Variants in CADPS observed in about 807,000 individuals in gnomAD.
CADPS encodes the protein calcium dependent secretion activator.
A neutral mutation model predicts 167.3 loss-of-function variants in CADPS; 57 were observed. The observed-to-expected ratio is 0.34, with a 90% CI of 0.28 to 0.42. The LOEUF (loss-of-function observed/expected upper bound fraction) is 0.42. Among genes scored for constraint, CADPS ranks in the 20% least tolerant of loss-of-function variants. CADPS has a pLI of 1.00. For missense variants in CADPS, 1,414 were observed against 1,738.1 expected (o/e 0.81, Z 3.32); for synonymous variants, 676 against 635.3 (o/e 1.06, Z -0.96).
intron 6 of CADPS, among the ~76,000 whole-genome samples, chr3:62,624,500 T>A (rs563477510): frequency 3.0e-4 from 45 of 151,820 alleles, no homozygotes; most frequent in African/African-American, 7.5e-4. Flanking sequence ...TATATTTTTT[T>A]TAAAAAAACC....
intron 3 of CADPS, among the ~76,000 whole-genome samples, chr3:62,737,553 C>A: frequency 6.6e-6 from 1 of 152,088 alleles, no homozygotes; most frequent in South Asian, 2.1e-4. Flanking sequence ...TTTCCTTCCA[C>A]TGGGCAAATC....
chr3:62,656,216 C>G (rs1469839913), intron 4 of CADPS, among the ~76,000 whole-genome samples: 1 of 152,146 alleles, frequency 6.6e-6, no homozygotes, highest in Non-Finnish European at 1.5e-5. Context: ...GCTCCTACCA[C>G]CACCACTACA....
chr3:62,714,816 AT>A (rs1203826645), intron 3 of CADPS, among the ~76,000 whole-genome samples: 1 of 152,164 alleles, frequency 6.6e-6, no homozygotes, highest in African/African-American at 2.4e-5. Flanking sequence ...TAAAAGTTTT[AT>A]TTAAAAAAAA....
intron 24 of CADPS, among the ~76,000 whole-genome samples, chr3:62,467,057 A>G (rs1421981283): frequency 2.0e-5 from 3 of 152,186 alleles, no homozygotes; most frequent in Admixed American, 2.0e-4. Flanking sequence ...TAAGTTTTTA[A>G]ATTTCTCTAA....
chr3:62,602,559 C>T lies in CADPS; in HGVS notation c.1326-9811G>A, dbSNP rs1036587161. The stretch of plus-strand genomic sequence containing the variant: ...GAGGTGGACTGCATGATATTCCACT[C>T]CAAGGGAATCAATTGTGCCATCGCA... On this transcript the variant is annotated intron_variant, in intron 6 of 29. Transcript: ENST00000383710. This position sits in a 1 kb window ranked among gnomAD's most constrained non-coding sequence, Gnocchi z 4.4. 3.3e-5 allele frequency among the ~76,000 whole-genome samples: 5 copies of T among 152,122 alleles called. No individual in the cohort carries two copies. Among genetic ancestry groups the T allele is most frequent in the Non-Finnish European group, 7.3e-5 (5 of 68,030 alleles).
intron 1 of CADPS, among the ~76,000 whole-genome samples, chr3:62,824,271 G>T (rs944265602): frequency 6.6e-6 from 1 of 152,082 alleles, no homozygotes; most frequent in African/African-American, 2.4e-5. Context: ...TAGAGTTAGT[G>T]ATGTTTGTTT....
In CADPS at chr3:62,753,357, TA is replaced by T. The variant is rs1299292121; in HGVS notation, c.888+83del. On this transcript the variant is annotated intron_variant, in intron 3 of 29. Coordinates refer to ENST00000383710, the MANE Select transcript of CADPS (RefSeq NM_003716.4). This position sits in a 1 kb window ranked among gnomAD's most constrained non-coding sequence, Gnocchi z 4.6. ...AAAATATAAGTTTTAATCCTTTTTT[TA>T]AAAAAATCAAGAAGTATCTCATAGA... The T allele has an allele frequency of 4.8e-6, 5 of 1,041,536 alleles. No homozygotes were observed. In the African/African-American group the frequency reaches 6.4e-5, roughly 13 times the overall value. 64.5% of individuals were successfully genotyped at this position (1,041,536 alleles called of 1,614,324 possible). A position where few individuals can be genotyped will look rare whatever the true frequency, so the allele number is the denominator to read the frequency against.
chr3:62,503,296 C>A (rs762188257), intron 17 of CADPS, among the ~76,000 whole-genome samples: 1 of 152,302 alleles, frequency 6.6e-6, no homozygotes. Context: ...TTACTTTCTA[C>A]GTAACCTTGC....
At chr3:62,487,291 T>C (rs577241019) in intron 21 of CADPS, among the ~76,000 whole-genome samples, 5 of 152,360 alleles carry the variant, frequency 3.3e-5, no homozygotes, top group East Asian at 1.9e-4. Context: ...TTTTCTTTCA[T>C]ATTGAAGGCC....
chr3:62,584,900 C>T (rs1014113268), intron 8 of CADPS, among the ~76,000 whole-genome samples: 15 of 152,266 alleles, frequency 9.9e-5, no homozygotes, highest in African/African-American at 3.4e-4. Flanking sequence ...AAGACCTCTC[C>T]AAACTAGAAT....
At chr3:62,571,853 C>T (rs903012855) in intron 8 of CADPS, among the ~76,000 whole-genome samples, 7 of 152,282 alleles carry the variant, frequency 4.6e-5, no homozygotes, top group South Asian at 4.1e-4. Context: ...CGTGAGCCAC[C>T]GTGCCTGGCG....
chr3:62,564,116 CT>C (rs1038565619), intron 9 of CADPS, among the ~76,000 whole-genome samples: 3 of 152,110 alleles, frequency 2.0e-5, no homozygotes, highest in Admixed American at 6.5e-5. Flanking sequence ...ACTCTCCTGC[CT>C]CAGCCTCCCA....
chr3:62,534,471 G>A (rs144261831), intron 12 of CADPS, among the ~76,000 whole-genome samples: 69 of 152,264 alleles, frequency 4.5e-4, no homozygotes, highest in Non-Finnish European at 8.1e-4. Flanking sequence ...GAGAGTAGTC[G>A]AGGCAGTGGG....
intron 4 of CADPS, among the ~76,000 whole-genome samples, chr3:62,655,893 G>A (rs1045708126): frequency 3.9e-5 from 6 of 152,054 alleles, no homozygotes; most frequent in Non-Finnish European, 4.4e-5. Flanking sequence ...GGTATGGGGG[G>A]ACATGCCAGA....
At chr3:62,471,390 G>A (rs1319972498) in intron 24 of CADPS, among the ~76,000 whole-genome samples, 1 of 152,146 alleles carries the variant, frequency 6.6e-6, no homozygotes, top group East Asian at 1.9e-4. Context: ...CAGGTCGTCT[G>A]AAATTGTAGA....
At chr3:62,526,195 TC>T (rs2072167577) in intron 13 of CADPS, among the ~76,000 whole-genome samples, 1 of 152,154 alleles carries the variant, frequency 6.6e-6, no homozygotes, top group Non-Finnish European at 1.5e-5. Context: ...TCACATGGTC[TC>T]TGAACATGGG....
At position 62,545,412 on chromosome 3, in the gene CADPS, C is replaced by A. The variant is rs1057227750; in HGVS notation, c.1966+4491G>T. ...GGTAAGCAGCATTGGCCTTAAAAAT[C>A]GGGGAATTGCAAGAATTTGTTTAAA... On this transcript the variant is annotated intron_variant, in intron 11 of 29. Transcript: ENST00000383710. 1.3e-5 allele frequency among the ~76,000 whole-genome samples: 2 copies of A among 152,008 alleles called. 1 individual carries two copies. Among genetic ancestry groups the A allele is most frequent in the Middle Eastern group, 6.8e-3 (2 of 294 alleles).
chr3:62,756,316 C>T (rs1274131399), intron 2 of CADPS, among the ~76,000 whole-genome samples: 2 of 152,208 alleles, frequency 1.3e-5, no homozygotes, highest in Non-Finnish European at 2.9e-5. Context: ...ATACACCCGC[C>T]TGGGCTTCCC....
chr3:62,567,514 A>G (rs2080446601), intron 9 of CADPS, among the ~76,000 whole-genome samples: 2 of 145,338 alleles, frequency 1.4e-5, no homozygotes, highest in Admixed American at 6.9e-5. Context: ...TGCTGTGCCA[A>G]GTGCAATGAG....
Sources: allele counts gnomAD v4.1 joint callset (sites outside exome capture counted in the v4.1 genomes callset), GRCh38; gene constraint gnomAD v4.1.1; non-coding constraint Gnocchi (gnomAD v3.1); transcripts MANE v1.5; gene names NCBI Gene and HGNC (gene_info 2026-07-23, HGNC 2026-07-21).